SGMS1: variants seen among roughly 807,000 people sequenced by gnomAD.
SGMS1 encodes the protein sphingomyelin synthase 1.
Under a neutral mutation model 46.2 loss-of-function variants are expected in SGMS1, and 13 were observed. That is an observed-to-expected ratio of 0.28 (90% CI 0.18 to 0.45). The LOEUF (loss-of-function observed/expected upper bound fraction) is 0.45, where lower values mean the gene tolerates loss of function less well. Among genes scored for constraint, SGMS1 ranks in the 20% least tolerant of loss-of-function variants. The probability of loss-of-function intolerance (pLI) is 1.00; values close to 1 mark genes in which losing one functional copy is unlikely to be tolerated. For synonymous variants in SGMS1, 203 were observed against 187.8 expected, an observed-to-expected ratio of 1.08 and a Z score of -0.66; for missense variants, 324 against 519.9, an observed-to-expected ratio of 0.62 and a Z score of 3.66.
Position 50,320,979 on chromosome 10 carries a change from C to T in SGMS1, c.741+6226G>A, listed in dbSNP as rs189834568. Among the ~76,000 whole-genome samples the T allele has an allele frequency of 4.6e-5, 7 of 152,308 alleles. No individual in the cohort carries two copies. In the East Asian group the frequency reaches 7.7e-4, roughly 17 times the overall value. ...TCTGGATGCCCAGAGGGAGAAGGCG[C>T]TTGTCTTATATATTGTGTGTCCTCA... On this transcript the variant is annotated intron_variant, in intron 8 of 10. Coordinates refer to ENST00000361781, the MANE Select transcript of SGMS1 (RefSeq NM_147156.4).
chr10:50,617,118 G>A (rs573954201), intron 1 of SGMS1, among the ~76,000 whole-genome samples: 103 of 152,188 alleles, frequency 6.8e-4, no homozygotes, highest in Middle Eastern at 3.4e-3. Context: ...TCAGTATGTC[G>A]CAAGTAATGG....
At chr10:50,582,484 T>C (rs1310523212) in intron 2 of SGMS1, among the ~76,000 whole-genome samples, 2 of 152,168 alleles carry the variant, frequency 1.3e-5, no homozygotes, top group African/African-American at 2.4e-5. Context: ...AGCAATTCTG[T>C]CCTCACACCA....
intron 5 of SGMS1, among the ~76,000 whole-genome samples, chr10:50,455,263 C>T (rs961020963): frequency 6.6e-6 from 1 of 152,188 alleles, no homozygotes; most frequent in African/African-American, 2.4e-5. Context: ...CATATACAAA[C>T]AGCTCAGGCC....
At chr10:50,498,347 T>G (rs575772330) in intron 3 of SGMS1, among the ~76,000 whole-genome samples, 2 of 152,362 alleles carry the variant, frequency 1.3e-5, no homozygotes, top group South Asian at 4.1e-4. Flanking sequence ...ATTTATCACC[T>G]TAATCATTTT....
intron 4 of SGMS1, among the ~76,000 whole-genome samples, chr10:50,462,845 T>C (rs910819): frequency 0.86 from 130,479 of 152,102 alleles, 56,236 homozygotes; most frequent in East Asian, 1. Context: ...CGAGCAGAGC[T>C]GGTGGGAACC....
intron 2 of SGMS1, among the ~76,000 whole-genome samples, chr10:50,524,850 C>T (rs1837887569): frequency 6.6e-6 from 1 of 152,096 alleles, no homozygotes. Context: ...GACCCTATGA[C>T]AACACTGAAA....
At chr10:50,315,099 T>C (rs965757485) in intron 8 of SGMS1, among the ~76,000 whole-genome samples, 1 of 152,160 alleles carries the variant, frequency 6.6e-6, no homozygotes, top group Admixed American at 6.5e-5. Flanking sequence ...ACATTAAGAT[T>C]TGAGAAGCCC....
intron 1 of SGMS1, among the ~76,000 whole-genome samples, chr10:50,596,485 T>A (rs1838594616): frequency 6.6e-6 from 1 of 152,240 alleles, no homozygotes; most frequent in Non-Finnish European, 1.5e-5. Context: ...GCCCAATTTC[T>A]TTTTTACTAA....
chr10:50,382,625 A>C (rs79500100), intron 6 of SGMS1, among the ~76,000 whole-genome samples: 16 of 149,740 alleles, frequency 1.1e-4, no homozygotes, highest in Middle Eastern at 3.4e-3. Flanking sequence ...CAAAAAAAAA[A>C]CACACACACA....
chr10:50,465,422 T>C (rs944750640), intron 4 of SGMS1, among the ~76,000 whole-genome samples: 51 of 151,730 alleles, frequency 3.4e-4, no homozygotes, highest in African/African-American at 1.1e-3. Context: ...ATTCAATTCA[T>C]ATTCTCAAAA....
In SGMS1 at chr10:50,512,290, C is replaced by T. The variant is rs1034965906; in HGVS notation, c.-498+7541G>A. On this transcript the variant is annotated intron_variant, in intron 3 of 10. Transcript: ENST00000361781. ...GATAGCACTCAGAACCAAGCTAGCACCTGTCAGAGAAAAAAAACCAGACAT... is the reference window on the plus strand; with the variant it reads ...GATAGCACTCAGAACCAAGCTAGCATCTGTCAGAGAAAAAAAACCAGACAT... 5.3e-5 allele frequency among the ~76,000 whole-genome samples: 8 copies of T among 152,084 alleles called. 1 individual carries two copies. The highest frequency in any genetic ancestry group is 5.2e-4 in the Admixed American group (8 of 15,284).
At chr10:50,311,566 C>G in intron 8 of SGMS1, 151 bp from the exon 9 acceptor site, 1 of 182,918 alleles carries the variant, frequency 5.5e-6, no homozygotes, top group Non-Finnish European at 1.0e-5. Flanking sequence ...TTTACCATTC[C>G]AAGAGTAGCC....
intron 5 of SGMS1, among the ~76,000 whole-genome samples, chr10:50,452,647 A>G (rs1360905004): frequency 6.6e-6 from 1 of 152,162 alleles, no homozygotes; most frequent in Non-Finnish European, 1.5e-5. Context: ...GTAATACTGA[A>G]TTTCCATTAT....
chr10:50,507,430 C>T (rs1346542949), intron 3 of SGMS1, among the ~76,000 whole-genome samples: 3 of 152,140 alleles, frequency 2.0e-5, no homozygotes, highest in African/African-American at 2.4e-5. Context: ...TCAGGCCAGC[C>T]CAAGCTGAGC....
At chr10:50,356,708 T>TA (rs921634872) in intron 6 of SGMS1, among the ~76,000 whole-genome samples, 5 of 151,414 alleles carry the variant, frequency 3.3e-5, no homozygotes, top group Admixed American at 2.0e-4. Context: ...CTGGAACTCT[T>TA]AAAAAAATAA....
At position 50,623,816 on chromosome 10, in the gene SGMS1, G is replaced by C. The variant is rs1838881974; in HGVS notation, c.-793C>G. On this transcript the variant is annotated 5_prime_UTR_variant, in exon 1 of 11. Coordinates refer to ENST00000361781, the MANE Select transcript of SGMS1 (RefSeq NM_147156.4). The stretch of plus-strand genomic sequence containing the variant: ...GCTCCGCACCCCAATCGCGCTCTCC[G>C]ACCGGCTCCCTAGGCGCGAGGGGAG... The C allele has an allele frequency of 1.4e-5, 14 of 985,384 alleles. No individual in the cohort carries two copies. Among genetic ancestry groups the C allele is most frequent in the Non-Finnish European group, 1.7e-5 (14 of 829,944 alleles). The allele number at this position is 985,384 out of a possible 1,614,324, so 61.0% of individuals were successfully genotyped here. A position where few individuals can be genotyped will look rare whatever the true frequency, so the allele number is the denominator to read the frequency against.
intron 5 of SGMS1, among the ~76,000 whole-genome samples, chr10:50,438,386 A>G (rs532839529): frequency 1.3e-5 from 2 of 152,336 alleles, no homozygotes; most frequent in African/African-American, 4.8e-5. Context: ...AGAGAGCCCC[A>G]TGAGGACAAC....
chr10:50,624,105 C>A (rs1460027534), upstream of SGMS1: 1 of 985,098 alleles, frequency 1.0e-6, no homozygotes, highest in Non-Finnish European at 1.2e-6. Flanking sequence ...GGACCCCGAA[C>A]CAAGGGACAG....
intron 2 of SGMS1, among the ~76,000 whole-genome samples, chr10:50,582,504 G>GT (rs1350368299): frequency 1.3e-5 from 2 of 152,156 alleles, no homozygotes; most frequent in African/African-American, 4.8e-5. Context: ...ACACTGAAGG[G>GT]TTCAAGTCAC....
Sources: allele counts gnomAD v4.1 joint callset (sites outside exome capture counted in the v4.1 genomes callset), GRCh38; gene constraint gnomAD v4.1.1; transcripts MANE v1.5; gene names NCBI Gene and HGNC (gene_info 2026-07-23, HGNC 2026-07-21).